Variants in CCDC117 observed in about 807,000 individuals in gnomAD.
The protein encoded by CCDC117 is coiled-coil domain-containing protein 117.
Under a neutral mutation model 23.5 loss-of-function variants are expected in CCDC117, and 1 was observed. The observed-to-expected ratio is 0.04, with a 90% CI of 0.02 to 0.20. The LOEUF is 0.20. Among genes scored for constraint, CCDC117 ranks in the 10% least tolerant of loss-of-function variants. The pLI is 1.00. For synonymous variants in CCDC117, 132 were observed against 124.8 expected, an observed-to-expected ratio of 1.06 and a Z score of -0.39; for missense variants, 383 against 348.2, an observed-to-expected ratio of 1.10 and a Z score of -0.80.
At chr22:28,784,244 G>A (rs182934572) in intron 4 of CCDC117, among the ~76,000 whole-genome samples, 3 of 152,200 alleles carry the variant, frequency 2.0e-5, no homozygotes, top group Admixed American at 2.0e-4. Flanking sequence ...CTAACAGGGA[G>A]CTGTGACTAC....
At chr22:28,773,449 C>A in intron 1 of CCDC117, 1 of 483,586 alleles carries the variant, frequency 2.1e-6, no homozygotes, top group African/African-American at 1.9e-5. Flanking sequence ...AAGTGCTTAA[C>A]ACAGCGCCTG....
intron 2 of CCDC117, among the ~76,000 whole-genome samples, chr22:28,776,441 T>TC (rs1601421012): frequency 6.6e-6 from 1 of 151,424 alleles, no homozygotes; most frequent in Non-Finnish European, 1.5e-5. Flanking sequence ...TTTTTTTTTT[T>TC]CCCTGGAGTT....
At chr22:28,774,568 G>A (rs185238489) in intron 2 of CCDC117, among the ~76,000 whole-genome samples, 4 of 151,866 alleles carry the variant, frequency 2.6e-5, no homozygotes, top group Admixed American at 1.3e-4. Flanking sequence ...TAGAGATGGT[G>A]TCTCACTATG....
chr22:28,778,091 C>T (rs1159780387), intron 2 of CCDC117, among the ~76,000 whole-genome samples: 2 of 152,018 alleles, frequency 1.3e-5, no homozygotes, highest in Admixed American at 6.6e-5. Context: ...GTGATCCGCC[C>T]GCCTCGGCCT....
intron 2 of CCDC117, among the ~76,000 whole-genome samples, chr22:28,780,216 G>A (rs1010224977): frequency 2.6e-5 from 4 of 152,174 alleles, no homozygotes; most frequent in African/African-American, 7.2e-5. Context: ...TTCAGGATGT[G>A]AAGACATTAT....
intron 1 of CCDC117, 99 bp from the exon 2 acceptor site, chr22:28,773,626 A>G (rs558656806): frequency 1.1e-6 from 1 of 920,820 alleles, no homozygotes; most frequent in African/African-American, 1.6e-5. Context: ...GACGTTTGGT[A>G]TGTGGGGATG....
rs767869628 is a variant in CCDC117, at chr22:28,786,178, A to G, written c.692A>G (p.Tyr231Cys). 1.9e-6 allele frequency: 3 copies of G among 1,614,176 alleles called. No homozygotes were observed. Among genetic ancestry groups the G allele is most frequent in the Non-Finnish European group, 2.5e-6 (3 of 1,180,002 alleles). ...KPKPSSNTKNYTGESQAKHVA... is the reference protein window; with the variant it reads ...KPKPSSNTKNCTGESQAKHVA... ...AAGCCATCCTCTAATACTAAGAACT[A>G]TACAGGAGAGAGCCAAGCTAAGCAT... Residue 231 changes from tyrosine to cysteine, a missense_variant, in exon 5 of 5, where the codon TAT becomes TGT. Coordinates refer to ENST00000249064, the MANE Select transcript of CCDC117 (RefSeq NM_173510.4).
intron 4 of CCDC117, among the ~76,000 whole-genome samples, chr22:28,785,178 T>A (rs891335676): frequency 2.3e-5 from 2 of 88,248 alleles, no homozygotes; most frequent in Non-Finnish European, 4.5e-5. Context: ...ACCATGAAGC[T>A]TGTTTTGTTT....
At position 28,781,330 on chromosome 22, in the gene CCDC117, GTTTTGTTTTT is replaced by G. The variant is rs2031313799; in HGVS notation, c.464+163_464+172del. 2.4e-3 allele frequency among the ~76,000 whole-genome samples: 90 copies of G among 37,630 alleles called. 6 individuals carry two copies. Among genetic ancestry groups the G allele is most frequent in the African/African-American group, 0.013 (85 of 6,774 alleles). 24.7% of individuals were successfully genotyped at this position (37,630 alleles called of 152,430 possible). On this transcript the variant is annotated intron_variant, in intron 3 of 4. Transcript: ENST00000249064. ...AAAGTGTATTCGTTTTTGTTTTTTTGTTTTGTTTTTTTTTTTTTTTTTTTTTTTTTTTTTT... is the reference window on the plus strand; with the variant it reads ...AAAGTGTATTCGTTTTTGTTTTTTTGTTTTTTTTTTTTTTTTTTTTTTTTT...
At position 28,777,505 on chromosome 22, in the gene CCDC117, CT is replaced by C. The variant is rs923239951; in HGVS notation, c.240-3432del. On this transcript the variant is annotated intron_variant, in intron 2 of 4. Coordinates refer to ENST00000249064, the MANE Select transcript of CCDC117 (RefSeq NM_173510.4). ...TTATAAGTGATACTGGACATCTTTT[CT>C]TTTTTTTTTTCTTTTTTTTTTTGAG... 1.2e-3 allele frequency among the ~76,000 whole-genome samples: 160 copies of C among 138,678 alleles called. 1 individual carries two copies. The highest frequency in any genetic ancestry group is 1.9e-3 in the Non-Finnish European group (122 of 63,382). The allele number at this position is 138,678 out of a possible 152,430, so 91.0% of individuals were successfully genotyped here. A position where few individuals can be genotyped will look rare whatever the true frequency, so the allele number is the denominator to read the frequency against.
At chr22:28,773,810 G>GGTCA (rs775468721) in intron 2 of CCDC117, 32 bp downstream of exon 2, 1 of 1,573,016 alleles carries the variant, frequency 6.4e-7, no homozygotes, top group Non-Finnish European at 8.8e-7. Context: ...TTCACTCTGT[G>GGTCA]GTCACCGTTA....
At chr22:28,778,571 A>G (rs982195661) in intron 2 of CCDC117, among the ~76,000 whole-genome samples, 2 of 152,134 alleles carry the variant, frequency 1.3e-5, no homozygotes, top group Non-Finnish European at 2.9e-5. Flanking sequence ...TGAACAGAAA[A>G]TATTTATGTT....
rs2031560953 is a variant in CCDC117, at chr22:28,787,791, G to A, written c.*1465G>A. 6.6e-6 allele frequency: 1 copy of A among 152,260 alleles called. No homozygotes were observed. Among genetic ancestry groups the A allele is most frequent in the African/African-American group, 2.4e-5 (1 of 41,420 alleles). The allele number at this position is 152,260 out of a possible 1,614,324, so 9.4% of individuals were successfully genotyped here. A position where few individuals can be genotyped will look rare whatever the true frequency, so the allele number is the denominator to read the frequency against. The stretch of plus-strand genomic sequence containing the variant: ...TATTAAACGAGTGTAATGGTATAAT[G>A]CCCTTCCATCACACAACAGGACACC... On this transcript the variant is annotated 3_prime_UTR_variant, in exon 5 of 5. Transcript: ENST00000249064.
rs763044376 is a variant in CCDC117, at chr22:28,786,343, T to C, written c.*17T>C. 1 of 1,556,714 alleles carries C rather than the reference T, an allele frequency of 6.4e-7. No homozygotes were observed. Among genetic ancestry groups the C allele is most frequent in the Non-Finnish European group, 8.8e-7 (1 of 1,130,080 alleles). ...GAACTCTAGAAACCAATTTCTACAC[T>C]AAAGTTGTCAAATGTTAGAAGAATC... On this transcript the variant is annotated 3_prime_UTR_variant, in exon 5 of 5. Coordinates refer to ENST00000249064, the MANE Select transcript of CCDC117 (RefSeq NM_173510.4).
At position 28,785,784 on chromosome 22, in the gene CCDC117, A is replaced by G. The variant is rs566180497; in HGVS notation, c.603-305A>G. ...TTCTAAAGATCAGTTGGAGCCAGGC[A>G]TGGTGGTATGTGCCTGTAGTCCTAA... On this transcript the variant is annotated intron_variant, in intron 4 of 4. Transcript: ENST00000249064. 1.2e-4 allele frequency among the ~76,000 whole-genome samples: 19 copies of G among 152,236 alleles called. No homozygotes were observed. In the South Asian group the frequency reaches 1.9e-3, roughly 15 times the overall value.
Position 28,781,125 on chromosome 22 carries a change from A to G in CCDC117, c.417A>G (p.Glu139=). The G allele has an allele frequency of 6.2e-7, 1 of 1,613,954 alleles. No individual in the cohort carries two copies. The highest frequency in any genetic ancestry group is 2.2e-5 in the East Asian group (1 of 44,870). ...ICEEMDQTTG[E]PQCEVARRKL... ...AAGAAATGGATCAGACAACTGGAGA[A>G]CCACAGTGTGAAGTTGCCCGAAGGA... The change falls in exon 3 of 5, where the codon GAA becomes GAG. Residue 139 remains glutamate, a synonymous_variant. Transcript: ENST00000249064.
At chr22:28,784,602 C>T (rs2031455845) in intron 4 of CCDC117, among the ~76,000 whole-genome samples, 1 of 152,200 alleles carries the variant, frequency 6.6e-6, no homozygotes, top group South Asian at 2.1e-4. Context: ...TCTTTGATCA[C>T]AGAGGTTTTG....
chr22:28,782,435 TG>T (rs2031376265), intron 3 of CCDC117, among the ~76,000 whole-genome samples: 1 of 151,548 alleles, frequency 6.6e-6, no homozygotes, highest in Non-Finnish European at 1.5e-5. Flanking sequence ...AATTTTTTTT[TG>T]TATTTTTATT....
intron 2 of CCDC117, among the ~76,000 whole-genome samples, chr22:28,775,759 C>T (rs950721782): frequency 6.6e-6 from 1 of 151,606 alleles, no homozygotes; most frequent in African/African-American, 2.4e-5. Context: ...TAGCCAGGTG[C>T]GGTGGCAGGT....
Sources: gnomAD v4.1 joint callset for allele counts (sites outside exome capture counted in the v4.1 genomes callset) on GRCh38, gnomAD v4.1.1 for gene constraint, MANE v1.5 for transcripts, NCBI Gene and HGNC (gene_info 2026-07-23, HGNC 2026-07-21) for gene names.